CHD7: variants seen among roughly 807,000 people sequenced by gnomAD.
The protein encoded by CHD7 is ATP-dependent chromatin remodeler CHD7.
CHD7 carries 24 observed loss-of-function variants against 307.3 expected under a neutral mutation model. The ratio of observed to expected loss-of-function variants is 0.08; its 90% confidence interval spans 0.06 to 0.11. The LOEUF is 0.11. CHD7 is among the 10% of genes least tolerant of loss of function. The pLI, the probability that CHD7 is intolerant of heterozygous loss-of-function variation, is 1.00. For missense variants in CHD7, 3,106 were observed against 3,727.1 expected (o/e 0.83, Z 4.34); for synonymous variants, 1,363 against 1,349.9 (o/e 1.01, Z -0.21).
rs749000051 is a variant in CHD7 at position 60,865,392 on chromosome 8, A to G, written c.8453A>G (p.Asn2818Ser). 2 of 1,613,358 alleles carry G rather than the reference A, an allele frequency of 1.2e-6. No individual in the cohort carries two copies. Among genetic ancestry groups the G allele is most frequent in the Non-Finnish European group, 1.7e-6 (2 of 1,179,760 alleles). ...NVFGLGGLLN[N>S]PLSAATGNTT... ...TTTGGCTTGGGCGGGCTGTTGAATA[A>G]CCCTCTGTCAGCTGCTACTGGAAAC... Residue 2818 changes from asparagine to serine, a missense_variant, in exon 38 of 38, where the codon AAC (asparagine) becomes AGC (serine). Asn to Ser is a conservative substitution (Grantham distance 46, BLOSUM62 1). Transcript: ENST00000423902. The surrounding 1 kb of genome is among the most constrained non-coding windows in gnomAD (Gnocchi z 4.3).
At chr8:60,682,248 A>T (rs1805666572) in intron 1 of CHD7, among the ~76,000 whole-genome samples, 1 of 152,212 alleles carries the variant, frequency 6.6e-6, no homozygotes, top group Admixed American at 6.5e-5. Flanking sequence ...AACTTTTTTC[A>T]TAATGAGCCT....
At chr8:60,739,094 A>G (rs1473005925) in intron 1 of CHD7, among the ~76,000 whole-genome samples, 1 of 152,086 alleles carries the variant, frequency 6.6e-6, no homozygotes, top group East Asian at 1.9e-4. Flanking sequence ...CTTGCAAGAG[A>G]AGGTCACCAG....
At chr8:60,794,282 T>C (rs917053823) in intron 3 of CHD7, among the ~76,000 whole-genome samples, 2 of 152,204 alleles carry the variant, frequency 1.3e-5, no homozygotes, top group Non-Finnish European at 2.9e-5. Flanking sequence ...CAAATTCTAA[T>C]AACATTTGTC....
At chr8:60,717,290 T>G (rs1035763772) in intron 1 of CHD7, among the ~76,000 whole-genome samples, 2 of 152,248 alleles carry the variant, frequency 1.3e-5, no homozygotes, top group African/African-American at 4.8e-5. Flanking sequence ...CATTTAGTTA[T>G]ACTTGTTGGC....
intron 1 of CHD7, among the ~76,000 whole-genome samples, chr8:60,681,022 G>A (rs571313288): frequency 1.3e-4 from 19 of 151,946 alleles, no homozygotes; most frequent in Non-Finnish European, 2.1e-4. Flanking sequence ...TTTCTAAGGG[G>A]TTAAGTGTTA....
Position 60,866,775 on chromosome 8 carries a change from G to A in CHD7, c.*842G>A, listed in dbSNP as rs1231793068. 4 of 152,664 alleles carry A rather than the reference G, an allele frequency of 2.6e-5. No homozygotes were observed. In the East Asian group the frequency reaches 7.7e-4, roughly 29 times the overall value. The allele number at this position is 152,664 out of a possible 1,614,324, so 9.5% of individuals were successfully genotyped here. A position where few individuals can be genotyped will look rare whatever the true frequency, so the allele number is the denominator to read the frequency against. The stretch of plus-strand genomic sequence containing the variant: ...ACAGACATGACTTTGTAAATGTATT[G>A]TTTTTCTTTGTTGTGATGTCCTTTT... On this transcript the variant is annotated 3_prime_UTR_variant, in exon 38 of 38. Transcript: ENST00000423902.
intron 6 of CHD7, among the ~76,000 whole-genome samples, chr8:60,806,727 G>A (rs190410898): frequency 4.5e-4 from 68 of 152,312 alleles, no homozygotes; most frequent in Admixed American, 2.3e-3. Flanking sequence ...GTTTAGCTCG[G>A]TGTGGTGGCT....
chr8:60,680,451 G>GC (rs1805561551), intron 1 of CHD7, among the ~76,000 whole-genome samples: 2 of 141,256 alleles, frequency 1.4e-5, no homozygotes, highest in Non-Finnish European at 3.1e-5. Context: ...GGGGGTGGGG[G>GC]CGCTGGTCGG....
In CHD7 at chr8:60,841,722, G is replaced by T. The variant is rs1378329072; in HGVS notation, c.4612G>T (p.Ala1538Ser). 6.2e-7 allele frequency: 1 copy of T among 1,609,070 alleles called. No individual in the cohort carries two copies. The highest frequency in any genetic ancestry group is 2.2e-5 in the East Asian group (1 of 44,760). Residue 1538 changes from alanine to serine, a missense_variant, in exon 20 of 38, where the codon GCT becomes TCT. Physicochemically the swap from Ala to Ser is moderately conservative, Grantham distance 99 (BLOSUM62 1). Transcript: ENST00000423902. ...TTTCTGGCAAAAGTGGGCTAAGAAG[G>T]CTGAATTGGATATTGATGCCTTAAA... The part of the protein sequence containing the change: ...PNFWQKWAKK[A>S]ELDIDALNGR...
At chr8:60,717,915 A>G (rs940903888) in intron 1 of CHD7, among the ~76,000 whole-genome samples, 4 of 152,308 alleles carry the variant, frequency 2.6e-5, no homozygotes, top group South Asian at 4.1e-4. Context: ...TGTATTTGCT[A>G]TACTATACTT....
At chr8:60,840,633 T>TG (rs1375094975) in intron 19 of CHD7, among the ~76,000 whole-genome samples, 2 of 151,798 alleles carry the variant, frequency 1.3e-5, no homozygotes, top group Non-Finnish European at 2.9e-5. Context: ...TTCTTTTTTT[T>TG]TTTTGACAGA....
In CHD7 at chr8:60,860,971, C is replaced by T. The variant is rs1586459958; in HGVS notation, c.7676C>T (p.Ser2559Phe). The T allele has an allele frequency of 6.2e-7, 1 of 1,614,032 alleles. No individual in the cohort carries two copies. The highest frequency in any genetic ancestry group is 8.5e-7 in the Non-Finnish European group (1 of 1,179,900). ...IETPPTRNIP[S>F]PGQLDPDTRI... Reference sequence around the variant, plus strand: ...ACCCCACCAACAAGAAACATTCCTTCTCCCGGACAGCTGGACCCAGACACA... The same window carrying T: ...ACCCCACCAACAAGAAACATTCCTTTTCCCGGACAGCTGGACCCAGACACA... The change falls in exon 35 of 38, where the codon TCT becomes TTT. Residue 2559 changes from serine (S) to phenylalanine (F), a missense_variant. Ser to Phe is a radical substitution (Grantham distance 155, BLOSUM62 -2). Coordinates refer to ENST00000423902, the MANE Select transcript of CHD7 (RefSeq NM_017780.4).
intron 1 of CHD7, among the ~76,000 whole-genome samples, chr8:60,692,456 G>A (rs1221881777): frequency 6.6e-6 from 1 of 152,240 alleles, no homozygotes; most frequent in African/African-American, 2.4e-5. Context: ...TTAAGCTACA[G>A]TAACTATTTT....
intron 1 of CHD7, among the ~76,000 whole-genome samples, chr8:60,705,272 A>G (rs962517095): frequency 2.6e-5 from 4 of 152,228 alleles, no homozygotes; most frequent in Admixed American, 1.3e-4. Context: ...GTTTGGCTTT[A>G]GGAACTCCCA....
rs1805617364 is a variant in CHD7, at chr8:60,854,489, A to G, written c.6902A>G (p.His2301Arg). 1 of 1,604,676 alleles carries G rather than the reference A, an allele frequency of 6.2e-7. No individual in the cohort carries two copies. Among genetic ancestry groups the G allele is most frequent in the Non-Finnish European group, 8.5e-7 (1 of 1,173,854 alleles). Residue 2301 changes from histidine (H) to arginine (R), a missense_variant, in exon 32 of 38, where the codon CAT becomes CGT. This residue lies in a region of CHD7 where 1,030 missense variants were observed against 1,165.4 expected (regional missense o/e 0.88). Coordinates refer to ENST00000423902, the MANE Select transcript of CHD7 (RefSeq NM_017780.4). Reference protein sequence around the residue: ...DGDPSVAQLLHERTFAFSFWP... With the variant: ...DGDPSVAQLLRERTFAFSFWP... ...GATCCTTCAGTAGCTCAGCTCCTTC[A>G]TGAAAGAACATTTGCCTTCTCGTTT...
chr8:60,792,902 T>C (rs998351995), intron 3 of CHD7, among the ~76,000 whole-genome samples: 1 of 152,180 alleles, frequency 6.6e-6, no homozygotes, highest in African/African-American at 2.4e-5. Context: ...ATATGTAAAG[T>C]TTTGGAAGCA....
intron 25 of CHD7, among the ~76,000 whole-genome samples, chr8:60,849,618 G>C (rs1246476898): frequency 6.6e-6 from 1 of 152,138 alleles, no homozygotes; most frequent in African/African-American, 2.4e-5. Flanking sequence ...ATGCAGCCTT[G>C]TTAACTTTGA....
intron 1 of CHD7, among the ~76,000 whole-genome samples, chr8:60,687,229 G>A (rs960762108): frequency 6.6e-6 from 1 of 152,168 alleles, no homozygotes; most frequent in African/African-American, 2.4e-5. Flanking sequence ...TTATAAGCAT[G>A]CCTTTAGTTT....
chr8:60,691,728 G>C (rs1386884870), intron 1 of CHD7, among the ~76,000 whole-genome samples: 2 of 152,146 alleles, frequency 1.3e-5, no homozygotes, highest in African/African-American at 2.4e-5. Flanking sequence ...TGCATCCATT[G>C]GTCTTTAAGG....
Sources: gnomAD v4.1 joint callset for allele counts (sites outside exome capture counted in the v4.1 genomes callset) on GRCh38, gnomAD v4.1.1 for gene constraint, gnomAD v4.1.1 regional missense constraint, Gnocchi (gnomAD v3.1) non-coding constraint, MANE v1.5 for transcripts, NCBI Gene and HGNC (gene_info 2026-07-23, HGNC 2026-07-21) for gene names.